Variants in SWAP70 observed in about 807,000 individuals in gnomAD.
The protein encoded by SWAP70 is switch-associated protein 70.
SWAP70 carries 34 observed loss-of-function variants against 80.2 expected under a neutral mutation model. That is an observed-to-expected ratio of 0.42 (90% CI 0.32 to 0.56). The LOEUF is 0.56. Among genes scored for constraint, SWAP70 ranks in the 20% least tolerant of loss-of-function variants. The probability of loss-of-function intolerance (pLI) is 0.09; values close to 1 mark genes in which losing one functional copy is unlikely to be tolerated. For synonymous variants in SWAP70, 239 were observed against 238.5 expected (o/e 1.00, Z -0.02); for missense variants, 578 against 690.7 (o/e 0.84, Z 1.83).
chr11:9,706,460 A>G (rs1452252331), intron 2 of SWAP70, among the ~76,000 whole-genome samples: 2 of 152,186 alleles, frequency 1.3e-5, no homozygotes, highest in Admixed American at 1.3e-4. Flanking sequence ...TGTAGGATAT[A>G]TGAAAATTAT....
chr11:9,680,445 C>G (rs1006630440), intron 1 of SWAP70, among the ~76,000 whole-genome samples: 1 of 152,068 alleles, frequency 6.6e-6, no homozygotes, highest in Non-Finnish European at 1.5e-5. Flanking sequence ...GATGGAGTTT[C>G]GCTCTTGTCA....
chr11:9,736,670 C>G (rs1267948435), intron 7 of SWAP70, among the ~76,000 whole-genome samples: 5 of 152,128 alleles, frequency 3.3e-5, no homozygotes, highest in African/African-American at 4.8e-5. Context: ...TTGCAGGGCT[C>G]TCTTTGAGTG....
chr11:9,748,726 A>G (rs192575835), intron 10 of SWAP70, among the ~76,000 whole-genome samples: 1 of 152,320 alleles, frequency 6.6e-6, no homozygotes, highest in East Asian at 1.9e-4. Context: ...TAGTTTCACC[A>G]GCAGGACAGT....
intron 3 of SWAP70, among the ~76,000 whole-genome samples, chr11:9,720,953 T>C (rs532136088): frequency 7.9e-4 from 120 of 152,140 alleles, no homozygotes; most frequent in African/African-American, 2.8e-3. Flanking sequence ...GTAGCTAGGA[T>C]TACAGGTGCG....
Position 9,664,115 on chromosome 11 carries a change from G to A in SWAP70, c.-65G>A, listed in dbSNP as rs1023911985. 7 of 1,471,130 alleles carry A rather than the reference G, an allele frequency of 4.8e-6. No individual in the cohort carries two copies. The highest frequency in any genetic ancestry group is 1.4e-5 in the African/African-American group (1 of 69,044). 91.1% of individuals were successfully genotyped at this position (1,471,130 alleles called of 1,614,324 possible). A position where few individuals can be genotyped will look rare whatever the true frequency, so the allele number is the denominator to read the frequency against. On this transcript the variant is annotated 5_prime_UTR_variant, in exon 1 of 12. Transcript: ENST00000318950. ...GCGGGCTGTGGCTGCGGAGGTTGAGGGGCGTCCGAGGCGCGGAGGGGCTGG... is the reference window on the plus strand; with the variant it reads ...GCGGGCTGTGGCTGCGGAGGTTGAGAGGCGTCCGAGGCGCGGAGGGGCTGG...
At position 9,664,150 on chromosome 11, in the gene SWAP70, A is replaced by C. The variant is rs1850277964; in HGVS notation, c.-30A>C. On this transcript the variant is annotated 5_prime_UTR_variant, in exon 1 of 12. Coordinates refer to ENST00000318950, the MANE Select transcript of SWAP70 (RefSeq NM_015055.4). ...GGCGCGGAGGGGCTGGCTGGGCAGG[A>C]GGGGTTGGCGGGGCAGCAGGGCCGC... The C allele has an allele frequency of 6.5e-7, 1 of 1,544,938 alleles. No individual in the cohort carries two copies. The highest frequency in any genetic ancestry group is 8.7e-7 in the Non-Finnish European group (1 of 1,147,376).
At chr11:9,715,862 T>C (rs1348104999) in intron 3 of SWAP70, among the ~76,000 whole-genome samples, 1 of 152,232 alleles carries the variant, frequency 6.6e-6, no homozygotes, top group African/African-American at 2.4e-5. Flanking sequence ...TTCCTGGAAC[T>C]GTTCTTCCTA....
chr11:9,694,250 C>T lies in SWAP70; in HGVS notation c.204C>T (p.Gly68=). The T allele has an allele frequency of 1.2e-6, 2 of 1,612,696 alleles. No individual in the cohort carries two copies. The highest frequency in any genetic ancestry group is 1.7e-6 in the Non-Finnish European group (2 of 1,179,394). The change falls in exon 2 of 12, where the codon GGC becomes GGT. Residue 68 remains glycine, a synonymous_variant. Transcript: ENST00000318950. ...DDDEGPVSNQ[G]YMPYLNRFIL... is the part of the protein sequence containing the mutation. Reference sequence around the variant, plus strand: ...ATGAGGGTCCAGTGTCCAACCAGGGCTACATGCCTTATTTAAACAGGTTCA... The same window carrying T: ...ATGAGGGTCCAGTGTCCAACCAGGGTTACATGCCTTATTTAAACAGGTTCA...
chr11:9,732,217 C>A (rs780798574), intron 6 of SWAP70, among the ~76,000 whole-genome samples: 1 of 152,082 alleles, frequency 6.6e-6, no homozygotes, highest in Non-Finnish European at 1.5e-5. Context: ...ATTCCCAGAT[C>A]GAGTGTTTCT....
At chr11:9,666,964 C>G (rs907831992) in intron 1 of SWAP70, among the ~76,000 whole-genome samples, 2 of 152,068 alleles carry the variant, frequency 1.3e-5, no homozygotes, top group Non-Finnish European at 2.9e-5. Context: ...ACCTCGTGAT[C>G]TGCCCGCCTT....
At chr11:9,691,679 G>A (rs1252305595) in intron 1 of SWAP70, among the ~76,000 whole-genome samples, 2 of 152,186 alleles carry the variant, frequency 1.3e-5, no homozygotes, top group African/African-American at 4.8e-5. Flanking sequence ...TACAAAACCC[G>A]AGTTCTAGTC....
intron 2 of SWAP70, among the ~76,000 whole-genome samples, chr11:9,695,153 G>A (rs974777529): frequency 6.6e-5 from 10 of 152,052 alleles, no homozygotes; most frequent in African/African-American, 1.4e-4. Flanking sequence ...TTTTTAGTAC[G>A]TGTGGTGGCA....
intron 1 of SWAP70, among the ~76,000 whole-genome samples, chr11:9,671,139 AT>A (rs1850373311): frequency 7.5e-6 from 1 of 134,068 alleles, no homozygotes. Flanking sequence ...ATTTATAAAT[AT>A]AAATATAAAA....
At chr11:9,733,729 A>G (rs990689560) in intron 7 of SWAP70, among the ~76,000 whole-genome samples, 2 of 152,114 alleles carry the variant, frequency 1.3e-5, no homozygotes, top group Non-Finnish European at 2.9e-5. Flanking sequence ...GGTTACGCTG[A>G]GCACCTGCCG....
In SWAP70 at chr11:9,751,337, G is replaced by A. The variant is rs569558858; in HGVS notation, c.*1367G>A. 3 of 152,314 alleles carry A rather than the reference G, an allele frequency of 2.0e-5. No homozygotes were observed. The highest frequency in any genetic ancestry group is 6.5e-5 in the Admixed American group (1 of 15,290). The allele number at this position is 152,314 out of a possible 1,614,324, so 9.4% of individuals were successfully genotyped here. A position where few individuals can be genotyped will look rare whatever the true frequency, so the allele number is the denominator to read the frequency against. Reference sequence around the variant, plus strand: ...ATCATAGTTTATATGCATCTGATTTGAAAGGAGTATTGAGGAAGGTTTTCA... The same window carrying A: ...ATCATAGTTTATATGCATCTGATTTAAAAGGAGTATTGAGGAAGGTTTTCA... On this transcript the variant is annotated 3_prime_UTR_variant, in exon 12 of 12. Transcript: ENST00000318950.
At chr11:9,725,554 TATATATATATATA>T (rs1851205380) in intron 4 of SWAP70, among the ~76,000 whole-genome samples, 3 of 10,174 alleles carry the variant, frequency 2.9e-4, no homozygotes, top group African/African-American at 6.1e-4. Flanking sequence ...TATATATATA[TATATATATATATA>T]TATTTTTTTT....
chr11:9,749,777 G>T, intron 11 of SWAP70, 87 bp from the exon 12 acceptor site: 1 of 786,078 alleles, frequency 1.3e-6, no homozygotes. Context: ...AATAAAGTAG[G>T]GAAGTTACTA....
chr11:9,668,988 G>A (rs943524777), intron 1 of SWAP70, among the ~76,000 whole-genome samples: 4 of 152,140 alleles, frequency 2.6e-5, no homozygotes, highest in Admixed American at 2.6e-4. Context: ...TCTCTCTCCA[G>A]ATAGAGATTA....
chr11:9,690,315 T>C (rs1275854407), intron 1 of SWAP70, among the ~76,000 whole-genome samples: 2 of 152,296 alleles, frequency 1.3e-5, no homozygotes, highest in African/African-American at 4.8e-5. Context: ...GGTGTAGTCG[T>C]TCACGCCTCT....
Sources: allele counts gnomAD v4.1 joint callset (sites outside exome capture counted in the v4.1 genomes callset), GRCh38; gene constraint gnomAD v4.1.1; transcripts MANE v1.5; gene names NCBI Gene and HGNC (gene_info 2026-07-23, HGNC 2026-07-21).